Variants in P3H2 observed in about 807,000 individuals in gnomAD.
P3H2 encodes leprecan-like 1.
In P3H2, 80 loss-of-function variants were observed where a neutral mutation model predicts 87.0. The ratio of observed to expected loss-of-function variants is 0.92; its 90% CI spans 0.77 to 1.11. P3H2 has a LOEUF of 1.11. Ranked by LOEUF, P3H2 falls within the 50% of genes least tolerant of loss-of-function variation. The probability of loss-of-function intolerance (pLI) is 0.00; values close to 1 mark genes in which losing one functional copy is unlikely to be tolerated. For synonymous variants in P3H2, 367 were observed against 359.3 expected (o/e 1.02, Z -0.24); for missense variants, 1,001 against 923.9 (o/e 1.08, Z -1.08).
intron 1 of P3H2, among the ~76,000 whole-genome samples, chr3:190,025,177 A>G (rs959472983): frequency 3.4e-5 from 5 of 146,614 alleles, no homozygotes; most frequent in African/African-American, 1.3e-4. Flanking sequence ...TCACTAGTAG[A>G]ACTTTTTTTT....
chr3:189,997,252 C>T (rs558843716), intron 1 of P3H2, among the ~76,000 whole-genome samples: 29 of 152,250 alleles, frequency 1.9e-4, no homozygotes, highest in Admixed American at 1.9e-3. Context: ...GATCTCCTGA[C>T]CTTGTGATCC....
chr3:189,982,987 G>A (rs1723583126), intron 8 of P3H2, 59 bp downstream of exon 8: 1 of 1,279,482 alleles, frequency 7.8e-7, no homozygotes, highest in Non-Finnish European at 1.1e-6. Flanking sequence ...GAAAAGAACT[G>A]GTCAAGCCCC....
intron 13 of P3H2, among the ~76,000 whole-genome samples, chr3:189,968,298 T>C (rs1723063331): frequency 6.6e-6 from 1 of 152,142 alleles, no homozygotes; most frequent in South Asian, 2.1e-4. Flanking sequence ...TCCGTGTCCA[T>C]GTGTTCTCAT....
chr3:189,994,026 T>G (rs1723961197), intron 3 of P3H2, 68 bp downstream of exon 3: 1 of 1,246,246 alleles, frequency 8.0e-7, no homozygotes, highest in Non-Finnish European at 1.2e-6. Context: ...GCTGGAATAG[T>G]TTTTTACAAA....
intron 1 of P3H2, among the ~76,000 whole-genome samples, chr3:190,013,208 C>T (rs114120423): frequency 6.6e-6 from 1 of 152,164 alleles, no homozygotes; most frequent in Non-Finnish European, 1.5e-5. Flanking sequence ...AGTAAATACA[C>T]ATGACAATGA....
intron 1 of P3H2, among the ~76,000 whole-genome samples, chr3:190,102,551 T>G (rs1325550093): frequency 6.6e-6 from 1 of 152,214 alleles, no homozygotes; most frequent in African/African-American, 2.4e-5. Flanking sequence ...AGTTAATTAC[T>G]GAAATCTTAT....
At chr3:190,099,239 C>T (rs76469721) in intron 1 of P3H2, among the ~76,000 whole-genome samples, 3,892 of 152,098 alleles carry the variant, frequency 0.026, 175 homozygotes, top group African/African-American at 0.087. Context: ...ATGCGTGGAA[C>T]GAAGAATAAA....
chr3:190,077,957 T>C (rs916783176), intron 1 of P3H2, among the ~76,000 whole-genome samples: 1 of 152,176 alleles, frequency 6.6e-6, no homozygotes, highest in South Asian at 2.1e-4. Context: ...GATAGCAACA[T>C]ATCATTAAAT....
At chr3:190,015,901 G>T (rs573295389) in intron 1 of P3H2, among the ~76,000 whole-genome samples, 3 of 152,244 alleles carry the variant, frequency 2.0e-5, no homozygotes, top group East Asian at 1.9e-4. Context: ...GGACATTTGG[G>T]TGGAGAAATT....
chr3:190,079,443 GA>G (rs1256996494), intron 1 of P3H2, among the ~76,000 whole-genome samples: 1 of 152,118 alleles, frequency 6.6e-6, no homozygotes. Context: ...AGTATTGTGA[GA>G]ATTGAGTTAG....
At chr3:190,048,027 T>C (rs188476113) in intron 1 of P3H2, among the ~76,000 whole-genome samples, 1 of 152,324 alleles carries the variant, frequency 6.6e-6, no homozygotes, top group Admixed American at 6.5e-5. Context: ...TTGAGAGAAG[T>C]GGCTGTCACA....
chr3:190,026,495 T>C (rs888554595), intron 1 of P3H2, among the ~76,000 whole-genome samples: 1 of 152,170 alleles, frequency 6.6e-6, no homozygotes, highest in Non-Finnish European at 1.5e-5. Context: ...TCCTCACTGC[T>C]ACACTCCCAC....
chr3:190,103,744 T>C (rs1242459525), intron 1 of P3H2, among the ~76,000 whole-genome samples: 1 of 152,164 alleles, frequency 6.6e-6, no homozygotes, highest in Non-Finnish European at 1.5e-5. Flanking sequence ...AATTTAGTAG[T>C]GGTGACAAAG....
At position 190,085,866 on chromosome 3, in the gene P3H2, C is replaced by T. The variant is rs1032632563; in HGVS notation, c.480+34386G>A. On this transcript the variant is annotated intron_variant, in intron 1 of 14. Transcript: ENST00000319332. The stretch of plus-strand genomic sequence containing the variant: ...CCTAAAAACCCATCCTTGTATATAT[C>T]CCTAGTAATTTTACAAAATTAATAG... Among the ~76,000 whole-genome samples the T allele has an allele frequency of 2.6e-5, 4 of 152,166 alleles. No individual in the cohort carries two copies. The South Asian group carries it at 6.2e-4, about 24-fold the overall frequency.
At chr3:190,059,667 C>T (rs993085569) in intron 1 of P3H2, among the ~76,000 whole-genome samples, 5 of 152,112 alleles carry the variant, frequency 3.3e-5, no homozygotes, top group Admixed American at 6.5e-5. Context: ...CCAATTCCCA[C>T]GAATGCTGGC....
At position 190,120,277 on chromosome 3, in the gene P3H2, T is replaced by C. The variant is rs372409374; in HGVS notation, c.455A>G (p.Asn152Ser). ...CTTGATGTAGGCCCGCTGCAGGTAG[T>C]TGTAGGGCACTCTGCGCTGGAAGTC... is the stretch of plus-strand genomic sequence containing the variant. ...RSDFQRRVPY[N>S]YLQRAYIKLN... Residue 152 changes from asparagine (N) to serine (S), a missense_variant, in exon 1 of 15, where the codon AAC becomes AGC. By Grantham distance (46) the Asn-to-Ser change is conservative (BLOSUM62 1). Transcript: ENST00000319332. 10 of 1,611,092 alleles carry C rather than the reference T, an allele frequency of 6.2e-6. No homozygotes were observed. Among genetic ancestry groups the C allele is most frequent in the Non-Finnish European group, 8.5e-6 (10 of 1,179,436 alleles).
At chr3:190,090,530 C>G (rs7632829) in intron 1 of P3H2, among the ~76,000 whole-genome samples, 1 of 151,762 alleles carries the variant, frequency 6.6e-6, no homozygotes, top group African/African-American at 2.4e-5. Context: ...GGTGAAACCC[C>G]GTCTCTACTA....
intron 8 of P3H2, among the ~76,000 whole-genome samples, chr3:189,975,492 C>T (rs530869659): frequency 2.0e-5 from 3 of 152,266 alleles, no homozygotes; most frequent in Admixed American, 6.5e-5. Context: ...ATAGTGCAAA[C>T]ATTTTGAACC....
intron 1 of P3H2, among the ~76,000 whole-genome samples, chr3:190,002,034 A>G (rs762433974): frequency 6.6e-5 from 10 of 152,220 alleles, no homozygotes; most frequent in Non-Finnish European, 1.5e-4. Context: ...GTATGGGCTT[A>G]TGAATGAGAA....
Sources: allele counts gnomAD v4.1 joint callset (sites outside exome capture counted in the v4.1 genomes callset), GRCh38; gene constraint gnomAD v4.1.1; transcripts MANE v1.5; gene names NCBI Gene and HGNC (gene_info 2026-07-23, HGNC 2026-07-21).